The following ZNF395 variants were observed in gnomAD, a reference collection of about 807,000 sequenced individuals.
ZNF395 encodes the protein zinc finger protein 395, also known as HD gene regulatory region-binding protein 2.
ZNF395 carries 20 observed loss-of-function variants against 57.7 expected under a neutral mutation model. That is an observed-to-expected ratio of 0.35 (90% CI 0.24 to 0.50). ZNF395 has a LOEUF of 0.50. ZNF395 is among the 20% of genes least tolerant of loss of function. The pLI, the probability that ZNF395 is intolerant of heterozygous loss-of-function variation, is 0.97. For synonymous variants in ZNF395, 295 were observed against 275.9 expected (o/e 1.07, Z -0.69); for missense variants, 606 against 671.2 (o/e 0.90, Z 1.07).
At chr8:28,372,290 C>T (rs1036922212) in intron 1 of ZNF395, among the ~76,000 whole-genome samples, 12 of 152,020 alleles carry the variant, frequency 7.9e-5, no homozygotes, top group African/African-American at 2.9e-4. Context: ...AGAGAGGAAA[C>T]AGTGAGAAAA....
chr8:28,379,926 C>T (rs1802089429), intron 1 of ZNF395, among the ~76,000 whole-genome samples: 1 of 150,486 alleles, frequency 6.6e-6, no homozygotes, highest in African/African-American at 2.5e-5. Flanking sequence ...TGGTGTATTT[C>T]CTTCCAATTA....
At position 28,348,040 on chromosome 8, in the gene ZNF395, CTT is replaced by C. The variant is rs2129932108; in HGVS notation, c.*677_*678del. ...TTGGCGACAGTCTTTTAAAAAACCT[CTT>C]TCTCTGGGCTTTAAGAAGAAGCCAT... On this transcript the variant is annotated 3_prime_UTR_variant, in exon 10 of 10. Coordinates refer to ENST00000344423, the MANE Select transcript of ZNF395 (RefSeq NM_018660.3). 6.6e-6 allele frequency: 1 copy of C among 152,324 alleles called. No individual in the cohort carries two copies. The highest frequency in any genetic ancestry group is 2.1e-4 in the South Asian group (1 of 4,820). The allele number at this position is 152,324 out of a possible 1,614,324, so 9.4% of individuals were successfully genotyped here. A position where few individuals can be genotyped will look rare whatever the true frequency, so the allele number is the denominator to read the frequency against.
chr8:28,371,083 G>T (rs1330597253), intron 1 of ZNF395, among the ~76,000 whole-genome samples: 1 of 152,186 alleles, frequency 6.6e-6, no homozygotes, highest in Non-Finnish European at 1.5e-5. Flanking sequence ...TTTTACAGAT[G>T]AGCAAACTGA....
intron 1 of ZNF395, among the ~76,000 whole-genome samples, chr8:28,378,813 CCCT>C (rs1179362856): frequency 6.6e-6 from 1 of 152,232 alleles, no homozygotes; most frequent in African/African-American, 2.4e-5. Context: ...CAGCATTCAG[CCCT>C]ACTTGAATAC....
At chr8:28,381,972 T>C (rs565330166) in intron 1 of ZNF395, among the ~76,000 whole-genome samples, 63 of 152,172 alleles carry the variant, frequency 4.1e-4, no homozygotes, top group African/African-American at 1.5e-3. Flanking sequence ...TGCACAGAAA[T>C]ATCTCAGATT....
Position 28,361,132 on chromosome 8 carries a change from C to G in ZNF395, c.-8G>C, listed in dbSNP as rs1801844862. On this transcript the variant is annotated 5_prime_UTR_variant, in exon 2 of 10. Transcript: ENST00000344423. ...GGACAGGACACTCGCCATGCTGCTG[C>G]CTCTCCTCTCCTGCGGAGGCGAAGG... is the stretch of plus-strand genomic sequence containing the variant. 9 of 1,611,194 alleles carry G rather than the reference C, an allele frequency of 5.6e-6. No homozygotes were observed. Among genetic ancestry groups the G allele is most frequent in the Non-Finnish European group, 7.6e-6 (9 of 1,180,018 alleles).
At chr8:28,382,009 T>C (rs1802115342) in intron 1 of ZNF395, among the ~76,000 whole-genome samples, 1 of 152,146 alleles carries the variant, frequency 6.6e-6, no homozygotes, top group South Asian at 2.1e-4. Flanking sequence ...CTACCCGGAA[T>C]CCTCAGTGGC....
intron 1 of ZNF395, among the ~76,000 whole-genome samples, chr8:28,366,219 C>G (rs73570802): frequency 1.9e-4 from 29 of 152,274 alleles, no homozygotes; most frequent in African/African-American, 6.5e-4. Context: ...ACCCTCCTGC[C>G]AAGAGCTTCA....
In ZNF395 at chr8:28,359,594, C is replaced by T; in HGVS notation, c.471G>A (p.Lys157=). Residue 157 remains lysine (K), a splice_region_variant and synonymous_variant, in exon 3 of 10, where the codon AAG becomes AAA. Transcript: ENST00000344423. This position sits in a 1 kb window ranked among gnomAD's most constrained non-coding sequence, Gnocchi z 4.7. ...CCAGTTTCTTCTCCCACACAAACCT[C>T]TTTGGGACATCGATGTTCCTGGAGA... The part of the protein sequence containing the change: ...RPVSRNIDVP[K]RKSDAVEMDE... The T allele has an allele frequency of 6.3e-7, 1 of 1,596,258 alleles. No homozygotes were observed. The highest frequency in any genetic ancestry group is 8.6e-7 in the Non-Finnish European group (1 of 1,169,212).
intron 4 of ZNF395, among the ~76,000 whole-genome samples, chr8:28,355,996 T>C (rs552428851): frequency 1.3e-5 from 2 of 152,286 alleles, no homozygotes; most frequent in Non-Finnish European, 2.9e-5. Flanking sequence ...GGGAGTAGGG[T>C]AGGCCAGCCC....
intron 1 of ZNF395, chr8:28,385,112 G>T (rs1802156032): frequency 6.6e-6 from 1 of 152,276 alleles, no homozygotes; most frequent in Admixed American, 6.5e-5. Flanking sequence ...TACTTTTCTA[G>T]AAAGGGGGTT....
At position 28,350,111 on chromosome 8, in the gene ZNF395, T is replaced by A; in HGVS notation, c.1279A>T (p.Ser427Cys). The A allele has an allele frequency of 1.2e-6, 2 of 1,608,402 alleles. No homozygotes were observed. The highest frequency in any genetic ancestry group is 1.7e-6 in the Non-Finnish European group (2 of 1,178,610). ...QIPVSPHIYT[S>C]VSWAAAPSAA... ...GAGGGGGCAGCAGCCCAGCTGACACTGGTGTAGATGTGTGGTGAGACTGGG... is the reference window on the plus strand; with the variant it reads ...GAGGGGGCAGCAGCCCAGCTGACACAGGTGTAGATGTGTGGTGAGACTGGG... Residue 427 changes from serine to cysteine, a missense_variant, in exon 8 of 10, where the codon AGT becomes TGT. By Grantham distance (112) the Ser-to-Cys change is moderately radical. Around this residue, in one of 3 missense-constraint regions of ZNF395, gnomAD observed 261 missense variants for 240.3 expected, o/e 1.09. Coordinates refer to ENST00000344423, the MANE Select transcript of ZNF395 (RefSeq NM_018660.3).
intron 1 of ZNF395, 98 bp from the exon 2 acceptor site, chr8:28,361,280 A>G: frequency 1.0e-6 from 1 of 994,756 alleles, no homozygotes. Flanking sequence ...AACTTCTAGC[A>G]TCCTTCCCTT....
intron 5 of ZNF395, 125 bp downstream of exon 5, chr8:28,353,048 C>T: frequency 4.8e-6 from 4 of 835,580 alleles, no homozygotes; most frequent in Non-Finnish European, 7.7e-6. Context: ...CAATAAAAAA[C>T]CGAAATGGGA....
intron 1 of ZNF395, among the ~76,000 whole-genome samples, chr8:28,379,858 AGC>A (rs1802088583): frequency 6.6e-6 from 1 of 151,366 alleles, no homozygotes; most frequent in African/African-American, 2.4e-5. Context: ...AAAAAAAAAA[AGC>A]TGCATGCCTC....
rs1367170336 is a variant in ZNF395, at chr8:28,348,170, G to A, written c.*549C>T. 1 of 152,074 alleles carries A rather than the reference G, an allele frequency of 6.6e-6. No homozygotes were observed. Among genetic ancestry groups the A allele is most frequent in the South Asian group, 2.1e-4 (1 of 4,846 alleles). The allele number at this position is 152,074 out of a possible 1,614,324, so 9.4% of individuals were successfully genotyped here. A position where few individuals can be genotyped will look rare whatever the true frequency, so the allele number is the denominator to read the frequency against. On this transcript the variant is annotated 3_prime_UTR_variant, in exon 10 of 10. Coordinates refer to ENST00000344423, the MANE Select transcript of ZNF395 (RefSeq NM_018660.3). ...ACTTCCATGCAGGATGCTCAGACAG[G>A]GAACAGGAGGTACCCTCCGAGAAGG...
chr8:28,362,814 C>T (rs1801866096), intron 1 of ZNF395, among the ~76,000 whole-genome samples: 1 of 152,142 alleles, frequency 6.6e-6, no homozygotes, highest in Non-Finnish European at 1.5e-5. Flanking sequence ...AATAGATTGG[C>T]AAATATTGAG....
At chr8:28,381,254 G>C (rs559562030) in intron 1 of ZNF395, among the ~76,000 whole-genome samples, 1 of 151,638 alleles carries the variant, frequency 6.6e-6, no homozygotes, top group African/African-American at 2.4e-5. Context: ...CGTTAGCCAG[G>C]ATGGTCTCGA....
intron 1 of ZNF395, among the ~76,000 whole-genome samples, chr8:28,379,701 G>A (rs1282464936): frequency 2.0e-5 from 3 of 152,086 alleles, no homozygotes; most frequent in East Asian, 1.9e-4. Flanking sequence ...TTGACACAGC[G>A]AGCAGGCACT....
Sources: gnomAD v4.1 joint callset for allele counts (sites outside exome capture counted in the v4.1 genomes callset) on GRCh38, gnomAD v4.1.1 for gene constraint, gnomAD v4.1.1 regional missense constraint, Gnocchi (gnomAD v3.1) non-coding constraint, MANE v1.5 for transcripts, NCBI Gene and HGNC (gene_info 2026-07-23, HGNC 2026-07-21) for gene names.